The following GPC5 variants were observed in gnomAD, a reference collection of about 807,000 sequenced individuals.
GPC5 encodes glypican 5, also known as glypican-5.
A neutral mutation model predicts 53.9 loss-of-function variants in GPC5; 47 were observed. The ratio of observed to expected loss-of-function variants is 0.87; its 90% confidence interval spans 0.69 to 1.11. The LOEUF (loss-of-function observed/expected upper bound fraction) is 1.11. GPC5 is among the 50% of genes most tolerant of loss of function. The pLI is 0.00. For missense variants in GPC5, 748 were observed against 713.1 expected (o/e 1.05, Z -0.56); for synonymous variants, 286 against 263.3 (o/e 1.09, Z -0.84).
chr13:91,604,125 C>G (rs1385417246), intron 2 of GPC5, among the ~76,000 whole-genome samples: 3 of 145,410 alleles, frequency 2.1e-5, no homozygotes, highest in African/African-American at 7.7e-5. Context: ...ACAACAGTCC[C>G]CAGAGTGTGA....
chr13:92,710,239 T>A (rs1352342698), intron 7 of GPC5, among the ~76,000 whole-genome samples: 1 of 152,146 alleles, frequency 6.6e-6, no homozygotes, highest in East Asian at 1.9e-4. Context: ...AGATATATCT[T>A]AAAGGAAGTT....
intron 7 of GPC5, among the ~76,000 whole-genome samples, chr13:92,235,866 A>G (rs2042565861): frequency 6.6e-6 from 1 of 152,120 alleles, no homozygotes; most frequent in African/African-American, 2.4e-5. Context: ...TTGACATAAG[A>G]GTAATAGCCA....
chr13:92,060,041 TTC>T (rs1353435645), intron 6 of GPC5: 1 of 152,054 alleles, frequency 6.6e-6, no homozygotes, highest in Non-Finnish European at 1.5e-5. Flanking sequence ...AATGGAGTTT[TTC>T]ATATTTATGT....
chr13:91,910,726 A>C (rs891131716), intron 6 of GPC5, among the ~76,000 whole-genome samples: 2 of 152,170 alleles, frequency 1.3e-5, no homozygotes, highest in Admixed American at 1.3e-4. Flanking sequence ...TCACTTTTTA[A>C]TGTTTTAATA....
chr13:92,299,991 C>T (rs2043064421), intron 7 of GPC5, among the ~76,000 whole-genome samples: 1 of 152,058 alleles, frequency 6.6e-6, no homozygotes, highest in Admixed American at 6.6e-5. Flanking sequence ...ACCCCAAAAC[C>T]ATTGTTACTG....
chr13:92,381,441 C>A (rs1449817362), intron 7 of GPC5, among the ~76,000 whole-genome samples: 1 of 151,986 alleles, frequency 6.6e-6, no homozygotes, highest in Admixed American at 6.6e-5. Context: ...AAATCAAAAC[C>A]ACAATGCAAT....
chr13:91,572,413 T>C (rs2031964377), intron 2 of GPC5, among the ~76,000 whole-genome samples: 1 of 151,946 alleles, frequency 6.6e-6, no homozygotes, highest in Non-Finnish European at 1.5e-5. Context: ...AGAAAAAAGG[T>C]TTATTTGCTT....
chr13:91,850,884 G>C lies in GPC5; in HGVS notation c.1281-57053G>C, dbSNP rs1260340096. 2.0e-5 allele frequency among the ~76,000 whole-genome samples: 3 copies of C among 152,054 alleles called. No individual in the cohort carries two copies. The East Asian group carries it at 5.8e-4, about 29-fold the overall frequency. On this transcript the variant is annotated intron_variant, in intron 5 of 7. Coordinates refer to ENST00000377067, the MANE Select transcript of GPC5 (RefSeq NM_004466.6). The stretch of plus-strand genomic sequence containing the variant: ...GTTTGGGGCTCTATCCTTATTAACT[G>C]TTAACAATTTCATGGAATATGAATA...
chr13:91,531,632 T>C (rs984170796), intron 2 of GPC5, among the ~76,000 whole-genome samples: 2 of 152,360 alleles, frequency 1.3e-5, no homozygotes, highest in East Asian at 3.9e-4. Flanking sequence ...AACGTCTTTA[T>C]ACTCAGTTCT....
chr13:92,398,962 C>G (rs1248470515), intron 7 of GPC5, among the ~76,000 whole-genome samples: 1 of 152,122 alleles, frequency 6.6e-6, no homozygotes, highest in Non-Finnish European at 1.5e-5. Flanking sequence ...CTCCCAGTAG[C>G]CTCTCATTTA....
intron 2 of GPC5, among the ~76,000 whole-genome samples, chr13:91,572,210 C>A (rs368450096): frequency 2.4e-5 from 2 of 83,882 alleles, no homozygotes; most frequent in East Asian, 2.8e-4. Context: ...TGTATATATA[C>A]GTGTATATAT....
intron 6 of GPC5, among the ~76,000 whole-genome samples, chr13:92,057,942 C>T (rs2138848338): frequency 6.6e-6 from 1 of 152,176 alleles, no homozygotes; most frequent in South Asian, 2.1e-4. Flanking sequence ...CTTTCCTACA[C>T]CTCTGAAGTT....
chr13:92,317,920 A>G (rs539589812), intron 7 of GPC5, among the ~76,000 whole-genome samples: 3 of 152,328 alleles, frequency 2.0e-5, no homozygotes, highest in African/African-American at 7.2e-5. Flanking sequence ...CAAGTTTAAC[A>G]AACTTCAATT....
At chr13:92,126,308 G>A (rs1243361792) in intron 6 of GPC5, among the ~76,000 whole-genome samples, 2 of 152,110 alleles carry the variant, frequency 1.3e-5, no homozygotes, top group Admixed American at 6.6e-5. Context: ...GATTGCAGGT[G>A]TATGAAAAAG....
chr13:92,260,305 C>T (rs2042757056), intron 7 of GPC5, among the ~76,000 whole-genome samples: 1 of 152,124 alleles, frequency 6.6e-6, no homozygotes, highest in South Asian at 2.1e-4. Context: ...ACTTCTAAGC[C>T]CCTTCTTGGA....
chr13:91,697,291 T>C lies in GPC5; in HGVS notation c.1020+3410T>C, dbSNP rs1176314467. On this transcript the variant is annotated intron_variant, in intron 3 of 7. Transcript: ENST00000377067. The stretch of plus-strand genomic sequence containing the variant: ...CCAAGTAGCTGGGACTACAGGTGCC[T>C]GCCACCATGCCCAGCTAATTTTTGT... Among the ~76,000 whole-genome samples the C allele has an allele frequency of 4.6e-5, 7 of 152,126 alleles. No individual in the cohort carries two copies. In the South Asian group the frequency reaches 1.0e-3, roughly 23 times the overall value.
chr13:92,579,878 C>T (rs1221538845), intron 7 of GPC5, among the ~76,000 whole-genome samples: 4 of 152,124 alleles, frequency 2.6e-5, no homozygotes, highest in African/African-American at 9.6e-5. Context: ...AGCTTTTTCA[C>T]TATGTATGCT....
At chr13:92,544,989 T>C (rs1882054073) in intron 7 of GPC5, among the ~76,000 whole-genome samples, 1 of 152,112 alleles carries the variant, frequency 6.6e-6, no homozygotes, top group Non-Finnish European at 1.5e-5. Context: ...TACATATGTA[T>C]ACATGTGCCA....
intron 6 of GPC5, among the ~76,000 whole-genome samples, chr13:91,926,121 G>A (rs945914544): frequency 1.5e-4 from 23 of 152,056 alleles, no homozygotes; most frequent in African/African-American, 5.1e-4. Context: ...CCAGCACTCT[G>A]GGAGGCGAGG....
Sources: gnomAD v4.1 joint callset for allele counts (sites outside exome capture counted in the v4.1 genomes callset) on GRCh38, gnomAD v4.1.1 for gene constraint, MANE v1.5 for transcripts, NCBI Gene and HGNC (gene_info 2026-07-23, HGNC 2026-07-21) for gene names.